The following CSGALNACT1 variants were observed in gnomAD, a reference collection of about 807,000 sequenced individuals.
CSGALNACT1 encodes beta4GalNAcT-1.
A neutral mutation model predicts 51.0 loss-of-function variants in CSGALNACT1; 52 were observed. The ratio of observed to expected loss-of-function variants is 1.02; its 90% confidence interval spans 0.82 to 1.29. The LOEUF (loss-of-function observed/expected upper bound fraction) is 1.29. Ranked by LOEUF, CSGALNACT1 falls within the 50% of genes most tolerant of loss-of-function variation. The pLI, the probability that CSGALNACT1 is intolerant of heterozygous loss-of-function variation, is 0.00. For synonymous variants in CSGALNACT1, 341 were observed against 254.4 expected (o/e 1.34, Z -3.24); for missense variants, 935 against 679.2 (o/e 1.38, Z -4.19).
At chr8:19,744,371 CT>C (rs2064512595) in intron 1 of CSGALNACT1, among the ~76,000 whole-genome samples, 1 of 152,190 alleles carries the variant, frequency 6.6e-6, no homozygotes, top group Non-Finnish European at 1.5e-5. Context: ...AATAGATGGT[CT>C]TTGCTGTTTC....
At chr8:19,631,573 C>A (rs774856921) in intron 1 of CSGALNACT1, among the ~76,000 whole-genome samples, 53 of 152,210 alleles carry the variant, frequency 3.5e-4, no homozygotes, top group Non-Finnish European at 4.1e-4. Context: ...TTTAAAACTA[C>A]TAATTCCTAT....
rs150010930 is a variant in CSGALNACT1, at chr8:19,661,950, A to G, written c.-544+20523T>C. Among the ~76,000 whole-genome samples the G allele has an allele frequency of 3.1e-3, 470 of 151,274 alleles. 1 individual carries two copies. The highest frequency in any genetic ancestry group is 0.011 in the African/African-American group (437 of 41,280). On this transcript the variant is annotated intron_variant, in intron 1 of 9. Transcript: ENST00000332246. The stretch of plus-strand genomic sequence containing the variant: ...AATAGTTCAAGATTTGGTGAAGCCT[A>G]TTTCCATAGCAGTCATTCCCCTTCC...
intron 3 of CSGALNACT1, among the ~76,000 whole-genome samples, chr8:19,548,251 G>A (rs2086969800): frequency 6.6e-6 from 1 of 152,094 alleles, no homozygotes; most frequent in African/African-American, 2.4e-5. Flanking sequence ...TTTTTCTAAT[G>A]CTTAATATTG....
chr8:19,753,908 G>A (rs1466609536), intron 1 of CSGALNACT1, among the ~76,000 whole-genome samples: 3 of 152,082 alleles, frequency 2.0e-5, no homozygotes, highest in East Asian at 1.9e-4. Flanking sequence ...TCTCAAGCTC[G>A]ACTAACTTCA....
intron 9 of CSGALNACT1, among the ~76,000 whole-genome samples, chr8:19,406,623 T>TAAAAA (rs33985548): frequency 2.8e-5 from 2 of 72,146 alleles, no homozygotes; most frequent in African/African-American, 5.9e-5. Context: ...AGAGGTTTCG[T>TAAAAA]AAAAAAAAAA....
rs577943020 is a variant in CSGALNACT1 at position 19,472,312 on chromosome 8, A to G, written c.635-13670T>C. Reference sequence around the variant, plus strand: ...AAAACTTAAGATACAGGCAGAAGCAATAAGCAGGAACCAAAAGGTCAAAGA... The same window carrying G: ...AAAACTTAAGATACAGGCAGAAGCAGTAAGCAGGAACCAAAAGGTCAAAGA... On this transcript the variant is annotated intron_variant, in intron 4 of 9. Coordinates refer to ENST00000454498, the Ensembl canonical transcript of CSGALNACT1. 1.4e-3 allele frequency among the ~76,000 whole-genome samples: 217 copies of G among 152,316 alleles called. 1 individual carries two copies. Among genetic ancestry groups the G allele is most frequent in the Non-Finnish European group, 1.5e-3 (104 of 68,020 alleles).
chr8:19,656,002 C>G (rs1051228893), intron 1 of CSGALNACT1, among the ~76,000 whole-genome samples: 7 of 152,052 alleles, frequency 4.6e-5, no homozygotes, highest in African/African-American at 1.7e-4. Flanking sequence ...TTCAGTTAAA[C>G]TTTGGAGGTT....
At chr8:19,716,877 T>A (rs1339408120) in intron 1 of CSGALNACT1, among the ~76,000 whole-genome samples, 1 of 152,152 alleles carries the variant, frequency 6.6e-6, no homozygotes, top group African/African-American at 2.4e-5. Context: ...AGAATTAAAG[T>A]TGACCTCATC....
At chr8:19,438,345 C>T (rs946619564) in intron 6 of CSGALNACT1, among the ~76,000 whole-genome samples, 1 of 152,178 alleles carries the variant, frequency 6.6e-6, no homozygotes, top group Non-Finnish European at 1.5e-5. Flanking sequence ...TTGACAGAGA[C>T]GTTAAAACCT....
chr8:19,496,786 T>C (rs561780057), intron 4 of CSGALNACT1, among the ~76,000 whole-genome samples: 1 of 152,306 alleles, frequency 6.6e-6, no homozygotes, highest in African/African-American at 2.4e-5. Context: ...CAAGGCTCAG[T>C]GCAGATGAGT....
chr8:19,544,183 C>G (rs1250217567), intron 3 of CSGALNACT1, among the ~76,000 whole-genome samples: 1 of 151,748 alleles, frequency 6.6e-6, no homozygotes, highest in Non-Finnish European at 1.5e-5. Flanking sequence ...TAGACAGAGC[C>G]TGAATAACAA....
At chr8:19,611,043 T>A (rs948929294) in intron 1 of CSGALNACT1, among the ~76,000 whole-genome samples, 1 of 152,194 alleles carries the variant, frequency 6.6e-6, no homozygotes. Flanking sequence ...GCTCCCCCTG[T>A]CGCACGCCCT....
intron 3 of CSGALNACT1, among the ~76,000 whole-genome samples, chr8:19,537,913 T>C (rs975632909): frequency 7.2e-5 from 11 of 152,226 alleles, no homozygotes; most frequent in Admixed American, 2.0e-4. Context: ...TTAAAAACTT[T>C]TGCTCTGCAA....
intron 3 of CSGALNACT1, among the ~76,000 whole-genome samples, chr8:19,589,017 T>G (rs1025659540): frequency 3.2e-4 from 48 of 152,320 alleles, no homozygotes; most frequent in African/African-American, 1.1e-3. Flanking sequence ...ACATCCTTTA[T>G]GTCACAGGAC....
At chr8:19,735,854 T>A (rs1231650955) in intron 1 of CSGALNACT1, among the ~76,000 whole-genome samples, 4 of 152,052 alleles carry the variant, frequency 2.6e-5, no homozygotes, top group Non-Finnish European at 5.9e-5. Context: ...CAAATTCAAA[T>A]CCTAAAAACA....
chr8:19,565,198 C>T (rs574940635), intron 3 of CSGALNACT1, among the ~76,000 whole-genome samples: 6 of 152,322 alleles, frequency 3.9e-5, no homozygotes, highest in Non-Finnish European at 5.9e-5. Flanking sequence ...TCATAAAACA[C>T]TTTCCACCTT....
chr8:19,488,394 T>G (rs868662316), intron 4 of CSGALNACT1, among the ~76,000 whole-genome samples: 1 of 98,150 alleles, frequency 1.0e-5, no homozygotes, highest in South Asian at 3.3e-4. Flanking sequence ...TATATATATA[T>G]ATATATATAT....
chr8:19,605,127 C>T (rs1042486081), upstream of CSGALNACT1, among the ~76,000 whole-genome samples: 1 of 152,036 alleles, frequency 6.6e-6, no homozygotes, highest in East Asian at 1.9e-4. Context: ...TAAGTATTTG[C>T]CAAAAGCAAA....
At chr8:19,550,044 C>G (rs866711275) in intron 3 of CSGALNACT1, among the ~76,000 whole-genome samples, 1 of 152,138 alleles carries the variant, frequency 6.6e-6, no homozygotes, top group Non-Finnish European at 1.5e-5. Flanking sequence ...GTGCTGGGCA[C>G]TTAATGTACT....
Sources: gnomAD v4.1 joint callset for allele counts (sites outside exome capture counted in the v4.1 genomes callset) on GRCh38, gnomAD v4.1.1 for gene constraint, MANE v1.5 for transcripts, NCBI Gene and HGNC (gene_info 2026-07-23, HGNC 2026-07-21) for gene names.